RB1: variants seen among roughly 807,000 people sequenced by gnomAD.
RB1 encodes retinoblastoma-associated protein.
Under a neutral mutation model 135.4 loss-of-function variants are expected in RB1, and 18 were observed. The observed-to-expected ratio is 0.13, with a 90% CI of 0.09 to 0.20. The LOEUF is 0.20. Ranked by LOEUF, RB1 falls within the 10% of genes least tolerant of loss-of-function variation. The probability of loss-of-function intolerance (pLI) is 1.00; values close to 1 mark genes in which losing one functional copy is unlikely to be tolerated. For synonymous variants in RB1, 365 were observed against 373.2 expected, an observed-to-expected ratio of 0.98 and a Z score of 0.25; for missense variants, 868 against 1,110.0, an observed-to-expected ratio of 0.78 and a Z score of 3.10.
intron 17 of RB1, among the ~76,000 whole-genome samples, chr13:48,436,018 G>A (rs1949179852): frequency 6.6e-6 from 1 of 152,128 alleles, no homozygotes; most frequent in Non-Finnish European, 1.5e-5. Context: ...GAAATCTATT[G>A]TAAATATAAA....
At position 48,319,389 on chromosome 13, in the gene RB1, C is replaced by T; in HGVS notation, c.264+11983C>T. ...GTACACCTGGATGGCCTCCTCAGTG[C>T]CGTCGTTGCTGCTGGAGTCTGACGC... On this transcript the variant is annotated intron_variant, in intron 2 of 26. Coordinates refer to ENST00000267163, the MANE Select transcript of RB1 (RefSeq NM_000321.3). The surrounding 1 kb of genome is among the most constrained non-coding windows in gnomAD (Gnocchi z 5.0). 4.7e-6 allele frequency: 2 copies of T among 425,150 alleles called. No homozygotes were observed. The highest frequency in any genetic ancestry group is 4.4e-5 in the South Asian group (2 of 45,308). The allele number at this position is 425,150 out of a possible 1,614,324, so 26.3% of individuals were successfully genotyped here.
chr13:48,432,198 G>A (rs1949136918), intron 17 of RB1, among the ~76,000 whole-genome samples: 1 of 152,092 alleles, frequency 6.6e-6, no homozygotes, highest in Admixed American at 6.6e-5. Context: ...TCATGTGGTT[G>A]TCTCAGGGAA....
At chr13:48,386,138 T>A (rs922942272) in intron 17 of RB1, among the ~76,000 whole-genome samples, 1 of 151,700 alleles carries the variant, frequency 6.6e-6, no homozygotes. Flanking sequence ...AGACTCTGTC[T>A]CAAAAAAATA....
intron 6 of RB1, among the ~76,000 whole-genome samples, chr13:48,357,605 T>C (rs955723499): frequency 1.3e-5 from 2 of 152,050 alleles, no homozygotes; most frequent in African/African-American, 4.8e-5. Flanking sequence ...AGAAGGACTC[T>C]AGATTAGCAT....
At chr13:48,465,543 G>T (rs1013160686) in intron 23 of RB1, among the ~76,000 whole-genome samples, 175 bp downstream of exon 23, 1 of 152,180 alleles carries the variant, frequency 6.6e-6, no homozygotes, top group Non-Finnish European at 1.5e-5. Flanking sequence ...ATCTATTTAC[G>T]ACTTAAGCAA....
In RB1 at chr13:48,464,978, T is replaced by TTTTTTTTTTTTTTC; in HGVS notation, c.2212-16_2212-15insTTTTTTTTTCTTTT. 1 of 1,452,596 alleles carries TTTTTTTTTTTTTTC rather than the reference T, an allele frequency of 6.9e-7. No homozygotes were observed. Among genetic ancestry groups the TTTTTTTTTTTTTTC allele is most frequent in the South Asian group, 1.3e-5 (1 of 74,546 alleles). The allele number at this position is 1,452,596 out of a possible 1,614,324, so 90.0% of individuals were successfully genotyped here. A position where few individuals can be genotyped will look rare whatever the true frequency, so the allele number is the denominator to read the frequency against. On this transcript the variant is annotated intron_variant, in intron 21 of 26. Transcript: ENST00000267163. ...TTTTACTTTTTTTTTTTTTTTTTTT[T>TTTTTTTTTTTTTTC]TTTTACTGTTCTTCCTCAGACATTC...
chr13:48,402,409 C>T (rs1197745505), intron 17 of RB1, among the ~76,000 whole-genome samples: 2 of 99,462 alleles, frequency 2.0e-5, no homozygotes, highest in East Asian at 7.3e-4. Flanking sequence ...ATGAGTCTCA[C>T]TCTGTTTTCC....
chr13:48,446,123 A>G (rs1200490598), intron 17 of RB1, among the ~76,000 whole-genome samples: 1 of 151,796 alleles, frequency 6.6e-6, no homozygotes, highest in Non-Finnish European at 1.5e-5. Flanking sequence ...ATGCCCGGCT[A>G]ATTTTTATAT....
intron 6 of RB1, among the ~76,000 whole-genome samples, chr13:48,352,420 A>G (rs1195268126): frequency 6.6e-6 from 1 of 151,598 alleles, no homozygotes; most frequent in Non-Finnish European, 1.5e-5. Context: ...TGATAGGAAT[A>G]GCCTTGAATC....
chr13:48,407,146 A>G (rs1410525167), intron 17 of RB1, among the ~76,000 whole-genome samples: 1 of 152,246 alleles, frequency 6.6e-6, no homozygotes, highest in Non-Finnish European at 1.5e-5. Context: ...TATACAACAC[A>G]TAATTGTTTC....
chr13:48,351,084 T>A (rs1485275504), intron 6 of RB1, among the ~76,000 whole-genome samples: 2 of 152,228 alleles, frequency 1.3e-5, no homozygotes, highest in African/African-American at 4.8e-5. Context: ...TCTATTCCTT[T>A]GAGTATGTAC....
At chr13:48,313,464 T>C (rs934026600) in intron 2 of RB1, among the ~76,000 whole-genome samples, 2 of 151,550 alleles carry the variant, frequency 1.3e-5, no homozygotes, top group Non-Finnish European at 2.9e-5. Flanking sequence ...TGAAGACTTA[T>C]TCTGTGCTTT....
chr13:48,307,981 A>G (rs1346835753), intron 2 of RB1, among the ~76,000 whole-genome samples: 3 of 151,850 alleles, frequency 2.0e-5, no homozygotes, highest in Non-Finnish European at 4.4e-5. Flanking sequence ...AAACACCGCC[A>G]TACCTTATAA....
At chr13:48,313,063 T>C (rs1439479645) in intron 2 of RB1, among the ~76,000 whole-genome samples, 3 of 152,170 alleles carry the variant, frequency 2.0e-5, no homozygotes, top group African/African-American at 7.2e-5. Context: ...TTATTTTTTA[T>C]TTCCATTGTT....
intron 17 of RB1, chr13:48,417,082 A>G (rs1376843666): frequency 6.6e-6 from 1 of 152,386 alleles, no homozygotes. Context: ...CTGCTAAGGG[A>G]CAGACTGCCT....
At chr13:48,475,868 A>G (rs1033338538) in intron 24 of RB1, among the ~76,000 whole-genome samples, 4 of 152,214 alleles carry the variant, frequency 2.6e-5, no homozygotes, top group Non-Finnish European at 4.4e-5. Context: ...CAAAGGAGCT[A>G]TGGGACCTTA....
At chr13:48,386,385 C>CTT (rs1351775673) in intron 17 of RB1, among the ~76,000 whole-genome samples, 5 of 151,290 alleles carry the variant, frequency 3.3e-5, no homozygotes, top group Non-Finnish European at 4.4e-5. Context: ...AATCTCCACT[C>CTT]TTGAGTATGT....
intron 11 of RB1, 92 bp downstream of exon 11, chr13:48,368,696 T>C (rs966787741): frequency 6.7e-7 from 1 of 1,500,970 alleles, no homozygotes; most frequent in East Asian, 2.6e-5. Context: ...TATGTATTCA[T>C]ACATACATGT....
At chr13:48,442,393 G>A (rs1949247002) in intron 17 of RB1, among the ~76,000 whole-genome samples, 3 of 151,846 alleles carry the variant, frequency 2.0e-5, no homozygotes, top group Admixed American at 6.6e-5. Context: ...GTAGAGATGG[G>A]GTTTCACCGT....
Sources: allele counts gnomAD v4.1 joint callset (sites outside exome capture counted in the v4.1 genomes callset), GRCh38; gene constraint gnomAD v4.1.1; non-coding constraint Gnocchi (gnomAD v3.1); transcripts MANE v1.5; gene names NCBI Gene and HGNC (gene_info 2026-07-23, HGNC 2026-07-21).